PTK2: variants seen among roughly 807,000 people sequenced by gnomAD.
PTK2 encodes the protein protein tyrosine kinase 2.
In PTK2, 45 loss-of-function variants were observed where a neutral mutation model predicts 150.1. The ratio of observed to expected loss-of-function variants is 0.30; its 90% CI spans 0.24 to 0.38. The LOEUF (loss-of-function observed/expected upper bound fraction) is 0.38, where lower values mean the gene tolerates loss of function less well. Ranked by LOEUF, PTK2 falls within the 10% of genes least tolerant of loss-of-function variation. The probability of loss-of-function intolerance (pLI) is 1.00; values close to 1 mark genes in which losing one functional copy is unlikely to be tolerated. For synonymous variants in PTK2, 432 were observed against 449.2 expected, an observed-to-expected ratio of 0.96 and a Z score of 0.48; for missense variants, 919 against 1,307.3, an observed-to-expected ratio of 0.70 and a Z score of 4.58.
chr8:140,828,115 G>A (rs548691367), intron 8 of PTK2, among the ~76,000 whole-genome samples: 19 of 150,038 alleles, frequency 1.3e-4, no homozygotes, highest in African/African-American at 4.7e-4. Flanking sequence ...GCAGCGAGTC[G>A]AGATCACGCC....
At chr8:140,928,173 T>TAA (rs2100170413) in intron 1 of PTK2, among the ~76,000 whole-genome samples, 1 of 151,792 alleles carries the variant, frequency 6.6e-6, no homozygotes, top group Non-Finnish European at 1.5e-5. Context: ...GCATGAATGG[T>TAA]TGTTATTCCA....
intron 1 of PTK2, among the ~76,000 whole-genome samples, chr8:140,999,587 A>T (rs2100199196): frequency 6.6e-6 from 1 of 152,236 alleles, no homozygotes; most frequent in Non-Finnish European, 1.5e-5. Context: ...TATTATCTAT[A>T]CTGTACCCCA....
chr8:140,727,664 G>C (rs1045219544), intron 22 of PTK2, among the ~76,000 whole-genome samples: 1 of 152,078 alleles, frequency 6.6e-6, no homozygotes, highest in African/African-American at 2.4e-5. Context: ...TGTGGGATAA[G>C]GGAAGAATCC....
intron 5 of PTK2, among the ~76,000 whole-genome samples, chr8:140,861,524 AC>A (rs1308410207): frequency 6.6e-6 from 1 of 152,190 alleles, no homozygotes; most frequent in African/African-American, 2.4e-5. Flanking sequence ...CAAGCTATGT[AC>A]CATCCCATAA....
At chr8:140,718,641 G>A (rs556050172) in intron 22 of PTK2, 1 of 152,290 alleles carries the variant, frequency 6.6e-6, no homozygotes, top group African/African-American at 2.4e-5. Context: ...ACTCAGGAAA[G>A]AGTGACATCA....
At chr8:140,669,417 A>G (rs2094442435) in intron 29 of PTK2, 2 of 285,054 alleles carry the variant, frequency 7.0e-6, no homozygotes, top group East Asian at 6.2e-5. Flanking sequence ...GTCTAAATAT[A>G]AGTTCCCATT....
intron 1 of PTK2, among the ~76,000 whole-genome samples, chr8:140,941,632 A>T (rs1440028784): frequency 6.6e-6 from 1 of 152,026 alleles, no homozygotes; most frequent in East Asian, 1.9e-4. Context: ...TTTAACCAAG[A>T]GTTTATTGGG....
In PTK2 at chr8:140,679,003, G is replaced by GTTT. The variant is rs533089786; in HGVS notation, c.2563-3507_2563-3505dup. On this transcript the variant is annotated intron_variant, in intron 27 of 31. Transcript: ENST00000522684. Reference sequence around the variant, plus strand: ...TCACGGCCAGCTGAGTGCTCCCCATGTTTTTTTTTTTTTTTTTTTTTTTTT... The same window carrying GTTT: ...TCACGGCCAGCTGAGTGCTCCCCATGTTTTTTTTTTTTTTTTTTTTTTTTTTTT... 8.7e-5 allele frequency among the ~76,000 whole-genome samples: 6 copies of GTTT among 69,008 alleles called. 1 individual carries two copies. The highest frequency in any genetic ancestry group is 1.3e-4 in the Non-Finnish European group (5 of 39,314). The allele number at this position is 69,008 out of a possible 152,430, so 45.3% of individuals were successfully genotyped here.
At chr8:140,903,589 T>C (rs1601844834) in intron 2 of PTK2, among the ~76,000 whole-genome samples, 1 of 152,202 alleles carries the variant, frequency 6.6e-6, no homozygotes, top group African/African-American at 2.4e-5. Context: ...TAAATTACTT[T>C]GGGCAGTATG....
intron 1 of PTK2, among the ~76,000 whole-genome samples, chr8:140,927,973 AAAAT>A (rs1230914617): frequency 0.065 from 4,680 of 72,500 alleles, 47 homozygotes; most frequent in Non-Finnish European, 0.087. Context: ...AAAAAAAAAA[AAAAT>A]ATATATATAT....
intron 8 of PTK2, among the ~76,000 whole-genome samples, chr8:140,819,748 T>C (rs1379866898): frequency 6.6e-6 from 1 of 152,236 alleles, no homozygotes; most frequent in African/African-American, 2.4e-5. Flanking sequence ...CACAGCAATG[T>C]ACCCATGAAG....
intron 14 of PTK2, among the ~76,000 whole-genome samples, chr8:140,785,317 A>G (rs935149943): frequency 6.6e-6 from 1 of 152,258 alleles, no homozygotes; most frequent in Non-Finnish European, 1.5e-5. Flanking sequence ...ATTTAAAAAC[A>G]ATTACAAAAC....
intron 1 of PTK2, among the ~76,000 whole-genome samples, chr8:140,936,628 T>C (rs1171353466): frequency 6.6e-6 from 1 of 151,782 alleles, no homozygotes; most frequent in Non-Finnish European, 1.5e-5. Flanking sequence ...ATTCAAAAAC[T>C]GGACCTCCTT....
intron 2 of PTK2, chr8:140,921,023 C>G (rs2100167195): frequency 7.7e-7 from 1 of 1,292,804 alleles, no homozygotes; most frequent in Non-Finnish European, 9.8e-7. Context: ...CCCCTGTGTG[C>G]TCCTTTTTTC....
intron 26 of PTK2, among the ~76,000 whole-genome samples, chr8:140,690,322 G>C (rs2100022385): frequency 6.6e-6 from 1 of 151,792 alleles, no homozygotes; most frequent in South Asian, 2.1e-4. Flanking sequence ...CTATTCACAG[G>C]CACAATCATA....
chr8:140,695,906 G>T (rs7817057), intron 26 of PTK2, among the ~76,000 whole-genome samples: 7,107 of 152,096 alleles, frequency 0.047, 559 homozygotes, highest in African/African-American at 0.16. Context: ...TGACTTTTAT[G>T]TATATTAAAT....
chr8:140,736,974 G>T (rs916664509), intron 21 of PTK2, among the ~76,000 whole-genome samples: 1 of 152,110 alleles, frequency 6.6e-6, no homozygotes, highest in African/African-American at 2.4e-5. Context: ...TCTGAACTTA[G>T]CCAAGAATCC....
At chr8:140,937,993 C>T (rs1470792796) in intron 1 of PTK2, among the ~76,000 whole-genome samples, 1 of 152,200 alleles carries the variant, frequency 6.6e-6, no homozygotes, top group African/African-American at 2.4e-5. Context: ...TACAATCTCA[C>T]TTTTTGTATC....
rs183012750 is a variant in PTK2, at chr8:140,874,125, C to T, written c.362+5346G>A. 2.6e-4 allele frequency among the ~76,000 whole-genome samples: 39 copies of T among 152,244 alleles called. 2 individuals carry two copies. Among genetic ancestry groups the T allele is most frequent in the African/African-American group, 9.2e-4 (38 of 41,528 alleles). The stretch of plus-strand genomic sequence containing the variant: ...TCTTCCTACATGGATAGCCATTTAT[C>T]AATCCAGCTCTTCCTTTCTCCCAGT... On this transcript the variant is annotated intron_variant, in intron 4 of 31. Transcript: ENST00000522684.
Sources: gnomAD v4.1 joint callset for allele counts (sites outside exome capture counted in the v4.1 genomes callset) on GRCh38, gnomAD v4.1.1 for gene constraint, MANE v1.5 for transcripts, NCBI Gene and HGNC (gene_info 2026-07-23, HGNC 2026-07-21) for gene names.